Variants in ATP10D observed in about 807,000 individuals in gnomAD.
ATP10D encodes the protein ATPase phospholipid transporting 10D (putative), also known as phospholipid-transporting ATPase VD.
In ATP10D, 89 loss-of-function variants were observed where a neutral mutation model predicts 144.8. The ratio of observed to expected loss-of-function variants is 0.61; its 90% CI spans 0.52 to 0.73. The LOEUF (loss-of-function observed/expected upper bound fraction) is 0.73, where lower values mean the gene tolerates loss of function less well. ATP10D is among the 30% of genes least tolerant of loss of function. ATP10D has a pLI of 0.00. For missense variants in ATP10D, 1,603 were observed against 1,714.8 expected, an observed-to-expected ratio of 0.93 and a Z score of 1.15; for synonymous variants, 571 against 615.1, an observed-to-expected ratio of 0.93 and a Z score of 1.06.
At chr4:47,570,185 G>A (rs1225422081) in intron 16 of ATP10D, among the ~76,000 whole-genome samples, 1 of 152,196 alleles carries the variant, frequency 6.6e-6, no homozygotes, top group East Asian at 1.9e-4. Context: ...ACAGCTGGGA[G>A]CAAAGGAAGG....
At chr4:47,571,231 A>G (rs1232015112) in intron 16 of ATP10D, among the ~76,000 whole-genome samples, 2 of 150,462 alleles carry the variant, frequency 1.3e-5, no homozygotes, top group Non-Finnish European at 3.0e-5. Context: ...TCCTGGATTT[A>G]TAATTATAGA....
At chr4:47,491,207 T>C (rs991192152) in intron 1 of ATP10D, 23 of 755,900 alleles carry the variant, frequency 3.0e-5, no homozygotes, top group Admixed American at 2.1e-4. Context: ...TTAATTCTCT[T>C]GGCAAGAATC....
At chr4:47,574,276 G>A (rs1017407962) in intron 18 of ATP10D, among the ~76,000 whole-genome samples, 1 of 152,210 alleles carries the variant, frequency 6.6e-6, no homozygotes, top group African/African-American at 2.4e-5. Context: ...GTGTTGGTTA[G>A]TAGACAGAAT....
chr4:47,517,256 A>G (rs1716737273), intron 3 of ATP10D, among the ~76,000 whole-genome samples: 1 of 152,080 alleles, frequency 6.6e-6, no homozygotes, highest in Non-Finnish European at 1.5e-5. Context: ...TCTACCAAAA[A>G]ACAACAAAAA....
chr4:47,580,078 G>C (rs1177292966), intron 19 of ATP10D, among the ~76,000 whole-genome samples: 1 of 152,206 alleles, frequency 6.6e-6, no homozygotes, highest in Non-Finnish European at 1.5e-5. Context: ...GATAGAGTTG[G>C]AGAAGTTTTG....
chr4:47,554,905 C>T lies in ATP10D; in HGVS notation c.1815C>T (p.Pro605=). Residue 605 remains proline (P), a synonymous_variant, in exon 11 of 23, where the codon CCC becomes CCT. Transcript: ENST00000273859. ...NTVVVSAPNQ[P]RQKIRHPSLG... ...TAGTGGTTTCTGCTCCTAACCAACC[C>T]CGACAAAAGGTGAGTAAGTTCTCTA... 1 of 1,613,358 alleles carries T rather than the reference C, an allele frequency of 6.2e-7. No homozygotes were observed. The highest frequency in any genetic ancestry group is 2.2e-5 in the East Asian group (1 of 44,866).
intron 1 of ATP10D, among the ~76,000 whole-genome samples, chr4:47,485,804 GGC>G: frequency 7.5e-6 from 1 of 133,404 alleles, no homozygotes; most frequent in Non-Finnish European, 1.6e-5. Context: ...TGCACACGCG[GGC>G]GCACACGGGC....
In ATP10D at chr4:47,523,034, C is replaced by T. The variant is rs771557660; in HGVS notation, c.508C>T (p.Arg170Ter). Residue 170 changes from arginine (R) to a stop codon, truncating the protein, a stop_gained, in exon 4 of 23, where the codon CGA becomes TGA. Transcript: ENST00000273859. LOFTEE classifies it high-confidence loss of function. Reference sequence around the variant, plus strand: ...CAGGAAAGAGAAAAAATACATTGACCGATGCTGGAAAGACGTTACTGTTGG... The same window carrying T: ...CAGGAAAGAGAAAAAATACATTGACTGATGCTGGAAAGACGTTACTGTTGG... ...YSRKEKKYIDRCWKDVTVGDF... is the reference protein window; with the variant it reads ...YSRKEKKYID The T allele has an allele frequency of 8.7e-6, 14 of 1,610,476 alleles. No individual in the cohort carries two copies. The highest frequency in any genetic ancestry group is 3.3e-4 in the Middle Eastern group (2 of 6,080).
chr4:47,589,139 G>A (rs1720917274), intron 22 of ATP10D, among the ~76,000 whole-genome samples: 1 of 152,144 alleles, frequency 6.6e-6, no homozygotes, highest in African/African-American at 2.4e-5. Flanking sequence ...GCCAAGAAAT[G>A]TCAGAAGCCA....
At chr4:47,535,215 G>T (rs781309673) in intron 5 of ATP10D, among the ~76,000 whole-genome samples, 4 of 151,746 alleles carry the variant, frequency 2.6e-5, no homozygotes, top group African/African-American at 4.8e-5. Context: ...TCTTAAGCAT[G>T]ATGCTTATCA....
At chr4:47,563,313 C>T (rs1192543640) in intron 14 of ATP10D, among the ~76,000 whole-genome samples, 1 of 152,054 alleles carries the variant, frequency 6.6e-6, no homozygotes, top group African/African-American at 2.4e-5. Flanking sequence ...GACTCAAATC[C>T]CTTCAATTTA....
chr4:47,590,917 C>CTTTT, intron 22 of ATP10D, 125 bp from the exon 23 acceptor site: 1 of 598,980 alleles, frequency 1.7e-6, no homozygotes. Flanking sequence ...TACCCTCCCC[C>CTTTT]TTTATTTCAG....
In ATP10D at chr4:47,561,103, A is replaced by G. The variant is rs769310600; in HGVS notation, c.2668+28A>G. Reference sequence around the variant, plus strand: ...AGGTGAATTATGTTTGTATTGCCTGAATGGAGGATTTTGAAAAACACTGGA... The same window carrying G: ...AGGTGAATTATGTTTGTATTGCCTGGATGGAGGATTTTGAAAAACACTGGA... On this transcript the variant is annotated intron_variant, in intron 14 of 22. Transcript: ENST00000273859. 1.9e-6 allele frequency: 3 copies of G among 1,612,890 alleles called. No individual in the cohort carries two copies. In the Admixed American group the frequency reaches 5.0e-5, roughly 27 times the overall value.
chr4:47,540,365 G>A (rs1453565009), intron 9 of ATP10D, among the ~76,000 whole-genome samples: 1 of 152,112 alleles, frequency 6.6e-6, no homozygotes. Flanking sequence ...TTCGAAATGT[G>A]TTCCATGTAC....
At chr4:47,559,365 T>C (rs771408390) in intron 13 of ATP10D, among the ~76,000 whole-genome samples, 3 of 152,202 alleles carry the variant, frequency 2.0e-5, no homozygotes, top group Non-Finnish European at 4.4e-5. Flanking sequence ...GATCTCTCTG[T>C]CTTACAGCAT....
intron 15 of ATP10D, among the ~76,000 whole-genome samples, chr4:47,565,380 C>A (rs1434181673): frequency 6.6e-6 from 1 of 152,180 alleles, no homozygotes; most frequent in East Asian, 1.9e-4. Context: ...TAACCACAAC[C>A]ACCAGCCAAC....
chr4:47,531,478 G>A (rs886241030), intron 5 of ATP10D, among the ~76,000 whole-genome samples: 1 of 152,206 alleles, frequency 6.6e-6, no homozygotes, highest in African/African-American at 2.4e-5. Flanking sequence ...CTGGAATGTA[G>A]GTGAGCAATA....
chr4:47,539,080 T>C (rs1717999616), intron 9 of ATP10D, among the ~76,000 whole-genome samples: 1 of 152,166 alleles, frequency 6.6e-6, no homozygotes, highest in Non-Finnish European at 1.5e-5. Flanking sequence ...ATCTTAGAAT[T>C]CTGCCTACCA....
At chr4:47,493,144 A>G in intron 1 of ATP10D, among the ~76,000 whole-genome samples, 1 of 152,228 alleles carries the variant, frequency 6.6e-6, no homozygotes, top group African/African-American at 2.4e-5. Context: ...TTACCCAAAC[A>G]GAAAATAATT....
Sources: allele counts gnomAD v4.1 joint callset (sites outside exome capture counted in the v4.1 genomes callset), GRCh38; gene constraint gnomAD v4.1.1; transcripts MANE v1.5; gene names NCBI Gene and HGNC (gene_info 2026-07-23, HGNC 2026-07-21).